The following RAB6A variants were observed in gnomAD, a reference collection of about 807,000 sequenced individuals.
RAB6A encodes the protein ras-related protein Rab-6A.
Under a neutral mutation model 32.3 loss-of-function variants are expected in RAB6A, and 8 were observed. That is an observed-to-expected ratio of 0.25 (90% confidence interval 0.15 to 0.45). RAB6A has a LOEUF of 0.45. Among genes scored for constraint, RAB6A ranks in the 20% least tolerant of loss-of-function variants. The pLI is 1.00. For missense variants in RAB6A, 104 were observed against 249.4 expected (o/e 0.42, Z 3.93); for synonymous variants, 73 against 82.1 (o/e 0.89, Z 0.60).
At chr11:73,691,142 C>T (rs1945553654) in intron 6 of RAB6A, among the ~76,000 whole-genome samples, 1 of 152,122 alleles carries the variant, frequency 6.6e-6, no homozygotes, top group Non-Finnish European at 1.5e-5. Context: ...AGCCAGGCCA[C>T]TGTTAATGAA....
intron 1 of RAB6A, among the ~76,000 whole-genome samples, chr11:73,734,774 A>T (rs1333259439): frequency 1.3e-5 from 2 of 152,198 alleles, no homozygotes; most frequent in Admixed American, 1.3e-4. Flanking sequence ...TCCTAACAGG[A>T]GTAATCTAAA....
At chr11:73,678,078 C>G in intron 7 of RAB6A, 116 bp from the exon 8 acceptor site, 1 of 1,023,904 alleles carries the variant, frequency 9.8e-7, no homozygotes, top group Non-Finnish European at 1.5e-6. Flanking sequence ...TACACACTCA[C>G]TATTTTCTAC....
Position 73,677,487 on chromosome 11 carries a change from A to C in RAB6A, c.*411T>G. 6.3e-6 allele frequency: 2 copies of C among 316,074 alleles called. No homozygotes were observed. The highest frequency in any genetic ancestry group is 1.2e-5 in the Non-Finnish European group (2 of 162,406). The allele number at this position is 316,074 out of a possible 1,614,324, so 19.6% of individuals were successfully genotyped here. A position where few individuals can be genotyped will look rare whatever the true frequency, so the allele number is the denominator to read the frequency against. The stretch of plus-strand genomic sequence containing the variant: ...CTAGGTAAGAATAGGGTAATAGGGA[A>C]TGGGGGTAAGTGAGAGGTGAGAAAA... On this transcript the variant is annotated 3_prime_UTR_variant, in exon 8 of 8. Coordinates refer to ENST00000336083, the MANE Select transcript of RAB6A (RefSeq NM_198896.2).
intron 1 of RAB6A, among the ~76,000 whole-genome samples, chr11:73,754,442 T>C (rs1946714936): frequency 6.6e-6 from 1 of 152,246 alleles, no homozygotes; most frequent in African/African-American, 2.4e-5. Context: ...TCTTGAAATG[T>C]ATTGTGGAGT....
intron 1 of RAB6A, chr11:73,759,946 A>AGG: frequency 3.0e-6 from 3 of 998,558 alleles, no homozygotes; most frequent in Admixed American, 2.5e-5. Context: ...CAACCACCCC[A>AGG]TGCTCAAGTC....
chr11:73,731,659 G>A (rs1946302809), intron 1 of RAB6A, among the ~76,000 whole-genome samples: 1 of 137,282 alleles, frequency 7.3e-6, no homozygotes. Context: ...ACTTCACTTT[G>A]TATTGTGAGA....
Position 73,714,007 on chromosome 11 carries a change from A to G in RAB6A, c.401+2244T>C, listed in dbSNP as rs192065776. On this transcript the variant is annotated intron_variant, in intron 5 of 7. Coordinates refer to ENST00000336083, the MANE Select transcript of RAB6A (RefSeq NM_198896.2). The stretch of plus-strand genomic sequence containing the variant: ...GGAGTTCGAGACCAGCCTGGCCAAC[A>G]TGGGAAAACTCCGTCACTACTAAAA... 9.1e-3 allele frequency among the ~76,000 whole-genome samples: 1,377 copies of G among 151,898 alleles called. 15 individuals carry two copies. The highest frequency in any genetic ancestry group is 0.034 in the Middle Eastern group (10 of 294).
chr11:73,720,321 T>C lies in RAB6A; in HGVS notation c.183+525A>G, dbSNP rs180692495. Among the ~76,000 whole-genome samples, 1,387 of 151,446 alleles carry C rather than the reference T, an allele frequency of 9.2e-3. 14 individuals are homozygous for C. Among genetic ancestry groups the C allele is most frequent in the Middle Eastern group, 0.034 (10 of 294 alleles). On this transcript the variant is annotated intron_variant, in intron 3 of 7. Coordinates refer to ENST00000336083, the MANE Select transcript of RAB6A (RefSeq NM_198896.2). ...TCAGCCTCCCAAGTAGCTGGGATTA[T>C]AGGCGCCCGCCACCACGCCTGGCTA...
chr11:73,742,538 G>C (rs760452549), intron 1 of RAB6A, among the ~76,000 whole-genome samples: 10 of 151,744 alleles, frequency 6.6e-5, no homozygotes, highest in Non-Finnish European at 1.5e-4. Context: ...TGGGCCAGGC[G>C]TGGTGGCTCA....
At chr11:73,685,286 C>CTTTTTTT (rs750488240) in intron 6 of RAB6A, among the ~76,000 whole-genome samples, 6 of 117,242 alleles carry the variant, frequency 5.1e-5, no homozygotes, top group Non-Finnish European at 6.8e-5. Context: ...TATAGAAAGT[C>CTTTTTTT]TTTTTTTTTT....
chr11:73,679,758 C>A, intron 6 of RAB6A, 38 bp from the exon 7 acceptor site: 1 of 1,611,190 alleles, frequency 6.2e-7, no homozygotes, highest in Non-Finnish European at 8.5e-7. Context: ...TGAGAGGGAA[C>A]ATTTAGCAAA....
intron 1 of RAB6A, among the ~76,000 whole-genome samples, chr11:73,732,131 C>T (rs1946325576): frequency 1.3e-5 from 2 of 151,978 alleles, no homozygotes; most frequent in Admixed American, 1.3e-4. Flanking sequence ...AGCACATTCT[C>T]CAAGGGCAAA....
In RAB6A at chr11:73,677,458, G is replaced by A; in HGVS notation, c.*440C>T. On this transcript the variant is annotated 3_prime_UTR_variant, in exon 8 of 8. Coordinates refer to ENST00000336083, the MANE Select transcript of RAB6A (RefSeq NM_198896.2). ...CTTGTTTGTTTTGAGGAAGTCGGGG[G>A]AGGCTAGGTAAGAATAGGGTAATAG... 4.3e-6 allele frequency: 1 copy of A among 234,316 alleles called. No homozygotes were observed. Among genetic ancestry groups the A allele is most frequent in the Non-Finnish European group, 8.9e-6 (1 of 112,030 alleles). The allele number at this position is 234,316 out of a possible 1,614,324, so 14.5% of individuals were successfully genotyped here.
intron 1 of RAB6A, among the ~76,000 whole-genome samples, chr11:73,756,224 C>T (rs891033061): frequency 7.3e-5 from 11 of 151,496 alleles, no homozygotes; most frequent in East Asian, 2.0e-4. Context: ...CGTGGTGGTG[C>T]GTGCCTGTTG....
chr11:73,739,087 G>C (rs1188177579), intron 1 of RAB6A, among the ~76,000 whole-genome samples: 1 of 149,668 alleles, frequency 6.7e-6, no homozygotes, highest in African/African-American at 2.5e-5. Context: ...GGCCAACGTG[G>C]TGAAATCCTA....
intron 5 of RAB6A, among the ~76,000 whole-genome samples, chr11:73,714,192 CAAA>C (rs71272251): frequency 1.7e-4 from 11 of 66,128 alleles, no homozygotes; most frequent in African/African-American, 3.6e-4. Flanking sequence ...AACTCCATCT[CAAA>C]AAAAAAAAAA....
chr11:73,713,671 C>T (rs1287447539), intron 5 of RAB6A, among the ~76,000 whole-genome samples: 2 of 152,106 alleles, frequency 1.3e-5, no homozygotes, highest in African/African-American at 4.8e-5. Context: ...TCAATCATTC[C>T]CTTTATGGCT....
chr11:73,685,588 G>GAGTCTTTTTTTTTTTTTTTTTTT lies in RAB6A; in HGVS notation c.496-5869_496-5868insAAAAAAAAAAAAAAAAAAAGACT, dbSNP rs1555054175. On this transcript the variant is annotated intron_variant, in intron 6 of 7. Transcript: ENST00000336083. ...AAGTGTGAGCCACCACGCCCGGACT[G>GAGTCTTTTTTTTTTTTTTTTTTT]AAAGTAGCGACCAGGTGCGGTGCCT... Among the ~76,000 whole-genome samples the GAGTCTTTTTTTTTTTTTTTTTTT allele has an allele frequency of 1.2e-4, 11 of 89,582 alleles. 1 individual carries two copies. The highest frequency in any genetic ancestry group is 4.7e-4 in the African/African-American group (10 of 21,128). The allele number at this position is 89,582 out of a possible 152,430, so 58.8% of individuals were successfully genotyped here.
intron 2 of RAB6A, chr11:73,729,827 G>C (rs561814852): frequency 6.6e-6 from 1 of 152,528 alleles, no homozygotes; most frequent in Admixed American, 6.6e-5. Flanking sequence ...CTAATCACCC[G>C]GGCCAGGTAC....
Sources: allele counts gnomAD v4.1 joint callset (sites outside exome capture counted in the v4.1 genomes callset), GRCh38; gene constraint gnomAD v4.1.1; transcripts MANE v1.5; gene names NCBI Gene and HGNC (gene_info 2026-07-23, HGNC 2026-07-21).